Variants in LIFR observed in about 807,000 individuals in gnomAD.
The protein encoded by LIFR is leukemia inhibitory factor receptor.
In LIFR, 84 loss-of-function variants were observed where a neutral mutation model predicts 122.2. The ratio of observed to expected loss-of-function variants is 0.69; its 90% CI spans 0.58 to 0.82. The LOEUF is 0.82. LIFR is among the 40% of genes least tolerant of loss of function. The probability of loss-of-function intolerance (pLI) is 0.00; values close to 1 mark genes in which losing one functional copy is unlikely to be tolerated. For missense variants in LIFR, 1,294 were observed against 1,311.6 expected (o/e 0.99, Z 0.21); for synonymous variants, 422 against 434.7 (o/e 0.97, Z 0.36).
chr5:38,552,222 C>A, intron 1 of LIFR, among the ~76,000 whole-genome samples: 1 of 152,210 alleles, frequency 6.6e-6, no homozygotes, highest in East Asian at 1.9e-4. Flanking sequence ...TAAAAACCAT[C>A]ATTCTGGAAG....
chr5:38,606,838 A>G (rs947649048), intron 1 of LIFR, among the ~76,000 whole-genome samples: 1 of 152,152 alleles, frequency 6.6e-6, no homozygotes, highest in Non-Finnish European at 1.5e-5. Context: ...GCAACCCAGT[A>G]CATCCCCATG....
chr5:38,539,493 G>A (rs1747470628), intron 1 of LIFR, among the ~76,000 whole-genome samples: 2 of 152,130 alleles, frequency 1.3e-5, no homozygotes, highest in African/African-American at 4.8e-5. Context: ...TTTGGTGACT[G>A]AAGCAAATCC....
intron 1 of LIFR, 45 bp from the exon 2 acceptor site, chr5:38,530,711 A>C: frequency 6.6e-7 from 1 of 1,511,648 alleles, no homozygotes; most frequent in Admixed American, 1.7e-5. Context: ...ATTGTTCTGA[A>C]GGCTCACCTT....
chr5:38,590,118 T>G (rs1749875948), intron 1 of LIFR, among the ~76,000 whole-genome samples: 1 of 152,228 alleles, frequency 6.6e-6, no homozygotes, highest in South Asian at 2.1e-4. Flanking sequence ...TTATTTTCTC[T>G]TCCTCTCCTG....
At chr5:38,501,020 G>C (rs532867227) in intron 11 of LIFR, among the ~76,000 whole-genome samples, 1 of 152,170 alleles carries the variant, frequency 6.6e-6, no homozygotes, top group Non-Finnish European at 1.5e-5. Context: ...GAACCATCTT[G>C]AAAGTGGATC....
chr5:38,594,181 G>A (rs1216446674), intron 1 of LIFR, among the ~76,000 whole-genome samples: 1 of 152,040 alleles, frequency 6.6e-6, no homozygotes, highest in East Asian at 1.9e-4. Context: ...TGTGGTTTTG[G>A]CTAGTAGACA....
chr5:38,580,395 A>G (rs1383337254), intron 1 of LIFR, among the ~76,000 whole-genome samples: 2 of 151,962 alleles, frequency 1.3e-5, no homozygotes, highest in Non-Finnish European at 2.9e-5. Flanking sequence ...TCTCCCTGCC[A>G]CCTTCCTTTC....
At chr5:38,533,569 T>C (rs1192468394) in intron 1 of LIFR, among the ~76,000 whole-genome samples, 1 of 152,236 alleles carries the variant, frequency 6.6e-6, no homozygotes, top group East Asian at 1.9e-4. Flanking sequence ...TTAGGGCTTT[T>C]CTGCCGAAGA....
chr5:38,504,691 G>A (rs954763087), intron 9 of LIFR, among the ~76,000 whole-genome samples: 3 of 152,218 alleles, frequency 2.0e-5, no homozygotes, highest in African/African-American at 7.2e-5. Flanking sequence ...TGTATGCCCA[G>A]TTGAGTGGCG....
chr5:38,519,793 T>C (rs1746304850), intron 5 of LIFR, among the ~76,000 whole-genome samples: 1 of 152,232 alleles, frequency 6.6e-6, no homozygotes, highest in Non-Finnish European at 1.5e-5. Context: ...TTGCTGAAGA[T>C]GACATGATTT....
chr5:38,489,199 A>T lies in LIFR; in HGVS notation c.2214T>A (p.Asp738Glu). 6.2e-7 allele frequency: 1 copy of T among 1,613,170 alleles called. No individual in the cohort carries two copies. Among genetic ancestry groups the T allele is most frequent in the Non-Finnish European group, 8.5e-7 (1 of 1,179,490 alleles). The change falls in exon 16 of 20, where the codon GAT (aspartate) becomes GAA (glutamate). Residue 738 changes from aspartate to glutamate, a missense_variant. Transcript: ENST00000453190. The part of the protein sequence containing the change: ...PNFTVEDTSA[D>E]SILVKWEDIP... ...TGTCTTCCCATTTTACTAATATCGA[A>T]TCTGCAGAAGTATCCTCAACAGTAA...
At chr5:38,483,606 T>C (rs1359510807) in intron 18 of LIFR, among the ~76,000 whole-genome samples, 1 of 152,134 alleles carries the variant, frequency 6.6e-6, no homozygotes, top group Non-Finnish European at 1.5e-5. Context: ...ATTTTTTGTA[T>C]TTTTAGTAGA....
chr5:38,493,519 G>C (rs1561140129), intron 14 of LIFR, 87 bp downstream of exon 14: 2 of 1,284,394 alleles, frequency 1.6e-6, no homozygotes, highest in East Asian at 2.3e-5. Context: ...CAGCAGTAAA[G>C]AGAATCACTT....
upstream of LIFR, among the ~76,000 whole-genome samples, chr5:38,598,922 T>C (rs985287162): frequency 6.6e-6 from 1 of 152,234 alleles, no homozygotes; most frequent in African/African-American, 2.4e-5. Flanking sequence ...TTTGCACTCA[T>C]TATCTCCTTT....
intron 1 of LIFR, among the ~76,000 whole-genome samples, chr5:38,592,262 T>G (rs1749943800): frequency 6.6e-6 from 1 of 152,020 alleles, no homozygotes; most frequent in East Asian, 1.9e-4. Context: ...AACAGAAAAT[T>G]TTAAAGAAAT....
intron 1 of LIFR, among the ~76,000 whole-genome samples, chr5:38,546,153 C>A (rs1747882483): frequency 6.6e-6 from 1 of 152,052 alleles, no homozygotes; most frequent in South Asian, 2.1e-4. Context: ...AAATTTAAAA[C>A]AATGTAAATG....
At chr5:38,492,014 AAG>A (rs1214473728) in intron 14 of LIFR, among the ~76,000 whole-genome samples, 9 of 152,332 alleles carry the variant, frequency 5.9e-5, no homozygotes, top group East Asian at 1.9e-4. Flanking sequence ...AAGGTCAAAA[AAG>A]AGAGTGGACA....
At chr5:38,593,777 G>C (rs1344107529) in intron 1 of LIFR, among the ~76,000 whole-genome samples, 1 of 152,162 alleles carries the variant, frequency 6.6e-6, no homozygotes, top group East Asian at 1.9e-4. Context: ...AGGGACCCCA[G>C]ACAGCTCCCT....
Position 38,511,815 on chromosome 5 carries a change from G to C in LIFR, c.711C>G (p.Asp237Glu), listed in dbSNP as rs369228814. Reference sequence around the variant, plus strand: ...AAGAAATGTTCTTCACAGGGCTCCAGTCACTCCACTCTTCGAGACCAGAAA... The same window carrying C: ...AAGAAATGTTCTTCACAGGGCTCCACTCACTCCACTCTTCGAGACCAGAAA... ...LHFSGLEEWS[D>E]WSPVKNISWI... The change falls in exon 6 of 20, where the codon GAC becomes GAG. Residue 237 changes from aspartate to glutamate, a missense_variant. Physicochemically the swap from Asp to Glu is conservative, Grantham distance 45. Transcript: ENST00000453190. 1 of 1,613,914 alleles carries C rather than the reference G, an allele frequency of 6.2e-7. No homozygotes were observed. The highest frequency in any genetic ancestry group is 8.5e-7 in the Non-Finnish European group (1 of 1,179,954).
Sources: allele counts gnomAD v4.1 joint callset (sites outside exome capture counted in the v4.1 genomes callset), GRCh38; gene constraint gnomAD v4.1.1; transcripts MANE v1.5; gene names NCBI Gene and HGNC (gene_info 2026-07-23, HGNC 2026-07-21).